Variants in HDGFL1 observed in about 807,000 individuals in gnomAD.
HDGFL1 encodes the protein hepatoma-derived growth factor-like protein 1.
For missense variants in HDGFL1, 422 were observed against 365.3 expected (o/e 1.16, Z -1.27); for synonymous variants, 190 against 165.1 (o/e 1.15, Z -1.16).
chr6:22,570,167 C>T lies in HDGFL1; in HGVS notation c.592C>T (p.Leu198Phe), dbSNP rs768000933. 24 of 1,558,436 alleles carry T rather than the reference C, an allele frequency of 1.5e-5. No homozygotes were observed. The highest frequency in any genetic ancestry group is 1.2e-4 in the East Asian group (5 of 43,370). ...ATAVDEESPF[L>F]VAVENGSAPS... ...GGCCGTCGACGAGGAGAGTCCGTTC[C>T]TCGTGGCGGTGGAGAACGGCAGCGC... Residue 198 changes from leucine to phenylalanine, a missense_variant, in exon 1 of 1, where the codon CTC becomes TTC. Leu to Phe is a conservative substitution (Grantham distance 22). Transcript: ENST00000510882.
At position 22,570,006 on chromosome 6, in the gene HDGFL1, C is replaced by G. The variant is rs1191250689; in HGVS notation, c.431C>G (p.Pro144Arg). The G allele has an allele frequency of 1.3e-6, 2 of 1,548,356 alleles. No homozygotes were observed. The highest frequency in any genetic ancestry group is 4.9e-5 in the East Asian group (2 of 40,946). ...AAGCCCACTGAGGAGGAGAAGGGGC[C>G]GCTGAAGAGGAGCGCGGGGGACCCG... ...DDKPTEEEKG[P>R]LKRSAGDPPE... is the part of the protein sequence containing the mutation. The change falls in exon 1 of 1, where the codon CCG (proline) becomes CGG (arginine). Residue 144 changes from proline to arginine, a missense_variant. By Grantham distance (103) the Pro-to-Arg change is moderately radical (BLOSUM62 -2). Coordinates refer to ENST00000510882, the MANE Select transcript of HDGFL1 (RefSeq NM_138574.4).
At position 22,569,862 on chromosome 6, in the gene HDGFL1, C is replaced by A; in HGVS notation, c.287C>A (p.Ala96Asp). Residue 96 changes from alanine (A) to aspartate (D), a missense_variant, in exon 1 of 1, where the codon GCC becomes GAC. Coordinates refer to ENST00000510882, the MANE Select transcript of HDGFL1 (RefSeq NM_138574.4). ...PTVQASDCPL[A>D]SEKGSGDGPW... ...GTCCAGGCCTCCGACTGCCCATTAG[C>A]CTCAGAGAAGGGCAGCGGAGACGGG... 6.3e-7 allele frequency: 1 copy of A among 1,598,044 alleles called. No homozygotes were observed. The highest frequency in any genetic ancestry group is 8.5e-7 in the Non-Finnish European group (1 of 1,172,370).
Position 22,570,041 on chromosome 6 carries a change from G to C in HDGFL1, c.466G>C (p.Ala156Pro). ...KRSAGDPPED[A>P]PKRPKEAAPD... Reference sequence around the variant, plus strand: ...GAGCGCGGGGGACCCGCCGGAGGACGCCCCCAAACGACCCAAGGAGGCAGC... The same window carrying C: ...GAGCGCGGGGGACCCGCCGGAGGACCCCCCCAAACGACCCAAGGAGGCAGC... The change falls in exon 1 of 1, where the codon GCC becomes CCC. Residue 156 changes from alanine to proline, a missense_variant. Physicochemically the swap from Ala to Pro is conservative, Grantham distance 27. Transcript: ENST00000510882. 6.5e-7 allele frequency: 1 copy of C among 1,546,198 alleles called. No individual in the cohort carries two copies. Among genetic ancestry groups the C allele is most frequent in the East Asian group, 2.4e-5 (1 of 40,966 alleles).
In HDGFL1 at chr6:22,570,581, T is replaced by G; in HGVS notation, c.*250T>G. 1 of 392,232 alleles carries G rather than the reference T, an allele frequency of 2.5e-6. No homozygotes were observed. The highest frequency in any genetic ancestry group is 4.7e-6 in the Non-Finnish European group (1 of 214,856). 24.3% of individuals were successfully genotyped at this position (392,232 alleles called of 1,614,324 possible). On this transcript the variant is annotated 3_prime_UTR_variant, in exon 1 of 1. Transcript: ENST00000510882. ...TCCCTGGGATAAAGTGAGGCCACCA[T>G]CCCAGCTTCCGGCTCCCTCTTCTCC...
chr6:22,569,836 G>T lies in HDGFL1; in HGVS notation c.261G>T (p.Thr87=). ...AGLWEIENNP[T]VQASDCPLAS... ...TGTGGGAAATCGAGAACAACCCCAC[G>T]GTCCAGGCCTCCGACTGCCCATTAG... is the stretch of plus-strand genomic sequence containing the variant. Residue 87 remains threonine, a synonymous_variant, in exon 1 of 1, where the codon ACG becomes ACT. Transcript: ENST00000510882. 1 of 1,609,464 alleles carries T rather than the reference G, an allele frequency of 6.2e-7. No individual in the cohort carries two copies.
In HDGFL1 at chr6:22,569,884, C is replaced by T; in HGVS notation, c.309C>T (p.Asp103=). 5 of 1,574,734 alleles carry T rather than the reference C, an allele frequency of 3.2e-6. No homozygotes were observed. The highest frequency in any genetic ancestry group is 4.3e-6 in the Non-Finnish European group (5 of 1,160,660). The change falls in exon 1 of 1, where the codon GAC becomes GAT. Residue 103 remains aspartate, a synonymous_variant. Coordinates refer to ENST00000510882, the MANE Select transcript of HDGFL1 (RefSeq NM_138574.4). ...TAGCCTCAGAGAAGGGCAGCGGAGA[C>T]GGGCCTTGGCCGGAGCCCGAGGCCG... The part of the protein sequence containing the change: ...CPLASEKGSG[D]GPWPEPEAAE...
rs1760914916 is a variant in HDGFL1, at chr6:22,570,977, G to A, written c.*646G>A. On this transcript the variant is annotated 3_prime_UTR_variant, in exon 1 of 1. Coordinates refer to ENST00000510882, the MANE Select transcript of HDGFL1 (RefSeq NM_138574.4). The stretch of plus-strand genomic sequence containing the variant: ...TTCCACAAATCCTTTTGCTGACCCA[G>A]GAAGTTCTGGGAGTTGCCGTTTTTC... 1.2e-5 allele frequency: 2 copies of A among 167,020 alleles called. No individual in the cohort carries two copies. 10.3% of individuals were successfully genotyped at this position (167,020 alleles called of 1,614,324 possible). A position where few individuals can be genotyped will look rare whatever the true frequency, so the allele number is the denominator to read the frequency against.
rs1165143012 is a variant in HDGFL1 at position 22,569,592 on chromosome 6, T to C, written c.17T>C (p.Met6Thr). The change falls in exon 1 of 1, where the codon ATG becomes ACG. Residue 6 changes from methionine (M) to threonine (T), a missense_variant. Coordinates refer to ENST00000510882, the MANE Select transcript of HDGFL1 (RefSeq NM_138574.4). MSAYG[M>T]PMYKSGDLVF... is the part of the protein sequence containing the mutation. ...GAACCAGCTATGTCGGCCTACGGCA[T>C]GCCCATGTACAAGAGCGGGGACCTG... 2 of 1,613,834 alleles carry C rather than the reference T, an allele frequency of 1.2e-6. No homozygotes were observed. Among genetic ancestry groups the C allele is most frequent in the Non-Finnish European group, 1.7e-6 (2 of 1,179,810 alleles).
rs1581492306 is a variant in HDGFL1 at position 22,571,483 on chromosome 6, G to A, written c.*1152G>A. ...TAGCTCACTGATAACAGAGGAAGATGTGTCTCCTCCCACCCTCTTCCTAAT... is the reference window on the plus strand; with the variant it reads ...TAGCTCACTGATAACAGAGGAAGATATGTCTCCTCCCACCCTCTTCCTAAT... On this transcript the variant is annotated 3_prime_UTR_variant, in exon 1 of 1. Coordinates refer to ENST00000510882, the MANE Select transcript of HDGFL1 (RefSeq NM_138574.4). 6.0e-6 allele frequency: 1 copy of A among 167,110 alleles called. No homozygotes were observed. The highest frequency in any genetic ancestry group is 1.5e-5 in the Non-Finnish European group (1 of 68,146). 10.4% of individuals were successfully genotyped at this position (167,110 alleles called of 1,614,324 possible). A position where few individuals can be genotyped will look rare whatever the true frequency, so the allele number is the denominator to read the frequency against.
chr6:22,570,199 C>T lies in HDGFL1; in HGVS notation c.624C>T (p.Ser208=), dbSNP rs367838801. Residue 208 remains serine (S), a synonymous_variant, in exon 1 of 1, where the codon AGC becomes AGT. Transcript: ENST00000510882. The part of the protein sequence containing the change: ...LVAVENGSAP[S]EPGLVCEPPQ... ...CGGTGGAGAACGGCAGCGCCCCTAGCGAGCCGGGCCTGGTCTGCGAGCCGC... is the reference window on the plus strand; with the variant it reads ...CGGTGGAGAACGGCAGCGCCCCTAGTGAGCCGGGCCTGGTCTGCGAGCCGC... 1.9e-6 allele frequency: 3 copies of T among 1,563,894 alleles called. No homozygotes were observed. The highest frequency in any genetic ancestry group is 1.8e-4 in the Middle Eastern group (1 of 5,606).
Position 22,570,045 on chromosome 6 carries a change from C to A in HDGFL1, c.470C>A (p.Pro157His). The A allele has an allele frequency of 6.5e-7, 1 of 1,546,112 alleles. No homozygotes were observed. ...GCGGGGGACCCGCCGGAGGACGCCC[C>A]CAAACGACCCAAGGAGGCAGCCCCC... ...RSAGDPPEDA[P>H]KRPKEAAPDQ... is the part of the protein sequence containing the mutation. Residue 157 changes from proline to histidine, a missense_variant, in exon 1 of 1, where the codon CCC becomes CAC. Coordinates refer to ENST00000510882, the MANE Select transcript of HDGFL1 (RefSeq NM_138574.4).
Position 22,570,532 on chromosome 6 carries a change from A to G in HDGFL1, c.*201A>G. 1 of 451,770 alleles carries G rather than the reference A, an allele frequency of 2.2e-6. No homozygotes were observed. The highest frequency in any genetic ancestry group is 5.8e-4 in the Middle Eastern group (1 of 1,712). 28.0% of individuals were successfully genotyped at this position (451,770 alleles called of 1,614,324 possible). On this transcript the variant is annotated 3_prime_UTR_variant, in exon 1 of 1. Coordinates refer to ENST00000510882, the MANE Select transcript of HDGFL1 (RefSeq NM_138574.4). Reference sequence around the variant, plus strand: ...ACCTCTGTGCCCCCACGCCTCTGTGATCTGAGTCAGGGCCTCAGTTCCCTC... The same window carrying G: ...ACCTCTGTGCCCCCACGCCTCTGTGGTCTGAGTCAGGGCCTCAGTTCCCTC...
Position 22,570,482 on chromosome 6 carries a change from C to A in HDGFL1, c.*151C>A. ...CGCGCTCCTTTGCCCTGCCGGGCCC[C>A]AGGATGGCAGGCCACCTGACTCTCA... On this transcript the variant is annotated 3_prime_UTR_variant, in exon 1 of 1. Transcript: ENST00000510882. 1 of 716,354 alleles carries A rather than the reference C, an allele frequency of 1.4e-6. No individual in the cohort carries two copies. The highest frequency in any genetic ancestry group is 2.1e-6 in the Non-Finnish European group (1 of 483,526). The allele number at this position is 716,354 out of a possible 1,614,324, so 44.4% of individuals were successfully genotyped here.
At position 22,571,185 on chromosome 6, in the gene HDGFL1, CG is replaced by C. The variant is rs1180933221; in HGVS notation, c.*855del. Reference sequence around the variant, plus strand: ...CCCCACAGCCTCAAGGCCACCCTACCGTCATATATATCACTCAGGCGTAGAA... The same window carrying C: ...CCCCACAGCCTCAAGGCCACCCTACCTCATATATATCACTCAGGCGTAGAA... On this transcript the variant is annotated 3_prime_UTR_variant, in exon 1 of 1. Transcript: ENST00000510882. The C allele has an allele frequency of 6.0e-6, 1 of 166,896 alleles. No individual in the cohort carries two copies. The highest frequency in any genetic ancestry group is 1.5e-5 in the Non-Finnish European group (1 of 68,138). 10.3% of individuals were successfully genotyped at this position (166,896 alleles called of 1,614,324 possible). A position where few individuals can be genotyped will look rare whatever the true frequency, so the allele number is the denominator to read the frequency against.
chr6:22,570,030 C>A lies in HDGFL1; in HGVS notation c.455C>A (p.Pro152Gln), dbSNP rs760883789. ...CCGCTGAAGAGGAGCGCGGGGGACC[C>A]GCCGGAGGACGCCCCCAAACGACCC... ...KGPLKRSAGD[P>Q]PEDAPKRPKE... Residue 152 changes from proline to glutamine, a missense_variant, in exon 1 of 1, where the codon CCG (proline) becomes CAG (glutamine). Pro to Gln is a moderately conservative substitution (Grantham distance 76). Coordinates refer to ENST00000510882, the MANE Select transcript of HDGFL1 (RefSeq NM_138574.4). 1 of 1,546,606 alleles carries A rather than the reference C, an allele frequency of 6.5e-7. No homozygotes were observed. The highest frequency in any genetic ancestry group is 1.2e-5 in the South Asian group (1 of 83,904).
chr6:22,570,067 C>T lies in HDGFL1; in HGVS notation c.492C>T (p.Ala164=). ...EDAPKRPKEA[A]PDQEEEAEAE... The stretch of plus-strand genomic sequence containing the variant: ...CCCCCAAACGACCCAAGGAGGCAGC[C>T]CCCGACCAAGAGGAGGAGGCGGAGG... The change falls in exon 1 of 1, where the codon GCC becomes GCT. Residue 164 remains alanine, a synonymous_variant. Coordinates refer to ENST00000510882, the MANE Select transcript of HDGFL1 (RefSeq NM_138574.4). The T allele has an allele frequency of 6.5e-7, 1 of 1,542,992 alleles. No individual in the cohort carries two copies. Among genetic ancestry groups the T allele is most frequent in the African/African-American group, 1.4e-5 (1 of 72,272 alleles).
chr6:22,571,481 A>G lies in HDGFL1; in HGVS notation c.*1150A>G, dbSNP rs139932404. On this transcript the variant is annotated 3_prime_UTR_variant, in exon 1 of 1. Transcript: ENST00000510882. ...TGTAGCTCACTGATAACAGAGGAAG[A>G]TGTGTCTCCTCCCACCCTCTTCCTA... The G allele has an allele frequency of 6.0e-6, 1 of 167,242 alleles. No homozygotes were observed. Among genetic ancestry groups the G allele is most frequent in the East Asian group, 1.9e-4 (1 of 5,182 alleles). 10.4% of individuals were successfully genotyped at this position (167,242 alleles called of 1,614,324 possible).
chr6:22,569,953 C>G lies in HDGFL1; in HGVS notation c.378C>G (p.Gly126=), dbSNP rs1421791033. The G allele has an allele frequency of 6.4e-7, 1 of 1,551,148 alleles. No homozygotes were observed. Residue 126 remains glycine (G), a synonymous_variant, in exon 1 of 1, where the codon GGC becomes GGG. Coordinates refer to ENST00000510882, the MANE Select transcript of HDGFL1 (RefSeq NM_138574.4). ...EDKPTHAGGG[G]DELGKPDDDK... ...AGCCGACCCACGCTGGTGGCGGCGGCGACGAATTGGGGAAGCCGGACGACG... is the reference window on the plus strand; with the variant it reads ...AGCCGACCCACGCTGGTGGCGGCGGGGACGAATTGGGGAAGCCGGACGACG...
chr6:22,570,109 A>G lies in HDGFL1; in HGVS notation c.534A>G (p.Glu178=), dbSNP rs768197532. The change falls in exon 1 of 1, where the codon GAA becomes GAG. Residue 178 remains glutamate (E), a synonymous_variant. Transcript: ENST00000510882. ...AGGCGGAGGCGGAGAGGGCGGCGGA[A>G]GCGGAGAGGGCGGCGGCGGCGGCGG... ...EEEAEAERAA[E]AERAAAAAAA... 28 of 1,533,816 alleles carry G rather than the reference A, an allele frequency of 1.8e-5. No individual in the cohort carries two copies. The highest frequency in any genetic ancestry group is 6.9e-5 in the African/African-American group (5 of 72,448).
Sources: allele counts gnomAD v4.1 joint callset, GRCh38; gene constraint gnomAD v4.1.1; transcripts MANE v1.5; gene names NCBI Gene and HGNC (gene_info 2026-07-23, HGNC 2026-07-21).